The following GREB1L variants were observed in gnomAD, a reference collection of about 807,000 sequenced individuals.
GREB1L encodes GREB1-like protein.
In GREB1L, 17 loss-of-function variants were observed where a neutral mutation model predicts 200.8. That is an observed-to-expected ratio of 0.08 (90% CI 0.06 to 0.13). GREB1L has a LOEUF of 0.13. GREB1L is among the 10% of genes least tolerant of loss of function. The pLI is 1.00. For missense variants in GREB1L, 1,657 were observed against 2,367.7 expected (o/e 0.70, Z 6.23); for synonymous variants, 789 against 893.0 (o/e 0.88, Z 2.08).
intron 2 of GREB1L, among the ~76,000 whole-genome samples, chr18:21,376,730 G>A (rs573857282): frequency 8.7e-5 from 13 of 149,626 alleles, no homozygotes; most frequent in Admixed American, 4.7e-4. Context: ...GTGTGAATCC[G>A]GGAGGCGTAG....
intron 1 of GREB1L, among the ~76,000 whole-genome samples, chr18:21,352,729 C>G (rs546684578): frequency 1.3e-5 from 2 of 151,766 alleles, no homozygotes; most frequent in African/African-American, 2.4e-5. Context: ...CCACTGCACC[C>G]GGCTTTTATA....
intron 7 of GREB1L, among the ~76,000 whole-genome samples, chr18:21,435,880 A>C (rs566751446): frequency 2.0e-5 from 3 of 152,310 alleles, no homozygotes; most frequent in South Asian, 2.1e-4. Context: ...CGTAAGAAGA[A>C]GACGAGATAG....
At chr18:21,378,288 A>T (rs2040159108) in intron 2 of GREB1L, among the ~76,000 whole-genome samples, 1 of 152,228 alleles carries the variant, frequency 6.6e-6, no homozygotes, top group Admixed American at 6.5e-5. Flanking sequence ...TTCTTTGGGT[A>T]GCATTGGGAT....
intron 1 of GREB1L, among the ~76,000 whole-genome samples, chr18:21,313,891 C>A (rs995588465): frequency 6.6e-6 from 1 of 152,160 alleles, no homozygotes; most frequent in African/African-American, 2.4e-5. Context: ...GAATAAAAAA[C>A]AACAGTGGTA....
intron 5 of GREB1L, among the ~76,000 whole-genome samples, chr18:21,399,735 G>T (rs1050455758): frequency 6.6e-6 from 1 of 152,210 alleles, no homozygotes; most frequent in African/African-American, 2.4e-5. Context: ...CAGAGGTTAT[G>T]AATATCTCTT....
intron 7 of GREB1L, among the ~76,000 whole-genome samples, chr18:21,409,820 G>A (rs888035070): frequency 3.9e-5 from 6 of 152,002 alleles, no homozygotes; most frequent in Non-Finnish European, 5.9e-5. Context: ...AATTAACAAC[G>A]CCTGTTTTGC....
chr18:21,390,769 T>G lies in GREB1L; in HGVS notation c.356-4616T>G, dbSNP rs1201380558. ...CCAGGATGGTCTCAATCTCTTGACC[T>G]TGTGATCCACCCGCCTTGGCCTCCC... On this transcript the variant is annotated intron_variant, in intron 4 of 32. Coordinates refer to ENST00000424526, the MANE Select transcript of GREB1L (RefSeq NM_001142966.3). 2.0e-5 allele frequency among the ~76,000 whole-genome samples: 3 copies of G among 152,056 alleles called. No homozygotes were observed. The East Asian group carries it at 5.8e-4, about 29-fold the overall frequency.
chr18:21,490,428 G>GTTTAATAAACTCA, intron 19 of GREB1L, 77 bp downstream of exon 19: 1 of 1,255,942 alleles, frequency 8.0e-7, no homozygotes, highest in Non-Finnish European at 1.1e-6. Flanking sequence ...AGGTGGCTCA[G>GTTTAATAAACTCA]GGGCCTGAGT....
chr18:21,332,310 A>T (rs1269914274), intron 1 of GREB1L, among the ~76,000 whole-genome samples: 1 of 152,090 alleles, frequency 6.6e-6, no homozygotes, highest in Non-Finnish European at 1.5e-5. Context: ...CACTTTTTAT[A>T]CAAATGGAGT....
intron 25 of GREB1L, among the ~76,000 whole-genome samples, chr18:21,506,425 A>G (rs1034943573): frequency 1.3e-5 from 2 of 151,966 alleles, no homozygotes; most frequent in Admixed American, 6.6e-5. Flanking sequence ...GCATGAAGCC[A>G]TAATTAAATG....
chr18:21,243,283 GT>G (rs1334712040), intron 1 of GREB1L, among the ~76,000 whole-genome samples: 2 of 152,222 alleles, frequency 1.3e-5, no homozygotes, highest in Admixed American at 1.3e-4. Flanking sequence ...TCCAAGGAAC[GT>G]CCCCGAACGC....
At chr18:21,264,966 AGT>A (rs2037943916) in intron 1 of GREB1L, among the ~76,000 whole-genome samples, 1 of 152,206 alleles carries the variant, frequency 6.6e-6, no homozygotes, top group Admixed American at 6.5e-5. Flanking sequence ...ATGTCCTGAC[AGT>A]GTATTCTTAT....
intron 1 of GREB1L, among the ~76,000 whole-genome samples, chr18:21,273,221 C>A (rs2038106520): frequency 6.6e-6 from 1 of 151,914 alleles, no homozygotes; most frequent in Non-Finnish European, 1.5e-5. Context: ...GAATGAGACT[C>A]CATCTCAAAA....
At chr18:21,346,540 G>C (rs149831909) in intron 1 of GREB1L, among the ~76,000 whole-genome samples, 8 of 151,992 alleles carry the variant, frequency 5.3e-5, no homozygotes, top group African/African-American at 1.9e-4. Context: ...CTTGGTCTTG[G>C]TCTTATCTTC....
chr18:21,340,544 T>G (rs1567943263), intron 1 of GREB1L, among the ~76,000 whole-genome samples: 1 of 151,024 alleles, frequency 6.6e-6, no homozygotes, highest in Non-Finnish European at 1.5e-5. Context: ...TTTTCTTTCT[T>G]TTTTTTTTCT....
At chr18:21,462,612 G>A (rs2035091205) in intron 15 of GREB1L, among the ~76,000 whole-genome samples, 2 of 152,108 alleles carry the variant, frequency 1.3e-5, no homozygotes, top group South Asian at 4.1e-4. Context: ...ACCACACCCA[G>A]CTAATTTTTG....
chr18:21,309,127 C>G (rs1264326651), intron 1 of GREB1L, among the ~76,000 whole-genome samples: 5 of 152,170 alleles, frequency 3.3e-5, no homozygotes, highest in Admixed American at 2.6e-4. Context: ...GAAGAAGGAG[C>G]CTGTAGTTAA....
intron 15 of GREB1L, among the ~76,000 whole-genome samples, chr18:21,457,788 G>C (rs545048781): frequency 1.3e-5 from 2 of 152,062 alleles, no homozygotes; most frequent in South Asian, 4.1e-4. Flanking sequence ...AAATTGCTCC[G>C]GGTAGAATAA....
intron 2 of GREB1L, among the ~76,000 whole-genome samples, chr18:21,377,316 C>G (rs2040114523): frequency 6.6e-6 from 1 of 151,930 alleles, no homozygotes; most frequent in Non-Finnish European, 1.5e-5. Flanking sequence ...TGCTTCCACG[C>G]CTCTCCTCAA....
Sources: gnomAD v4.1 joint callset for allele counts (sites outside exome capture counted in the v4.1 genomes callset) on GRCh38, gnomAD v4.1.1 for gene constraint, MANE v1.5 for transcripts, NCBI Gene and HGNC (gene_info 2026-07-23, HGNC 2026-07-21) for gene names.